The following TONSL variants were observed in gnomAD, a reference collection of about 807,000 sequenced individuals.
TONSL encodes tonsoku like, DNA repair protein, also known as tonsoku-like protein.
Under a neutral mutation model 147.1 loss-of-function variants are expected in TONSL, and 112 were observed. The ratio of observed to expected loss-of-function variants is 0.76; its 90% confidence interval spans 0.65 to 0.89. The LOEUF (loss-of-function observed/expected upper bound fraction) is 0.89, where lower values mean the gene tolerates loss of function less well. TONSL is among the 40% of genes least tolerant of loss of function. TONSL has a pLI of 0.00. For synonymous variants in TONSL, 868 were observed against 801.5 expected, an observed-to-expected ratio of 1.08 and a Z score of -1.40; for missense variants, 1,883 against 1,864.6, an observed-to-expected ratio of 1.01 and a Z score of -0.18.
intron 20 of TONSL, 41 bp downstream of exon 20, chr8:144,434,770 G>T: frequency 1.9e-6 from 3 of 1,601,026 alleles, no homozygotes; most frequent in Non-Finnish European, 2.6e-6. Context: ...CAACCCCCTT[G>T]TACGACCTCA....
chr8:144,440,512 G>A lies in TONSL; in HGVS notation c.1165-36C>T, dbSNP rs200508840. The A allele has an allele frequency of 2.6e-5, 40 of 1,561,662 alleles. No homozygotes were observed. The African/African-American group carries it at 2.9e-4, about 11-fold the overall frequency. On this transcript the variant is annotated intron_variant, in intron 9 of 25. Coordinates refer to ENST00000409379, the MANE Select transcript of TONSL (RefSeq NM_013432.5). ...AGGAAGGACAGGGTCGGGGGCTGCCGCTGTCTGCGTCCAACGGGCCCCAGT... is the reference window on the plus strand; with the variant it reads ...AGGAAGGACAGGGTCGGGGGCTGCCACTGTCTGCGTCCAACGGGCCCCAGT...
chr8:144,435,673 C>T lies in TONSL; in HGVS notation c.2760G>A (p.Ala920=), dbSNP rs774787708. Residue 920 remains alanine, a synonymous_variant, in exon 17 of 26, where the codon GCG becomes GCA. Transcript: ENST00000409379. ...GCATACCCACCAAGGGCTGGCCTGC[C>T]GCAGAGCTGTCCCCACTGGGCTCTG... ...RVSEPSGDSS[A]AGQPLGPAPP... The T allele has an allele frequency of 3.9e-5, 63 of 1,604,058 alleles. No homozygotes were observed. In the East Asian group the frequency reaches 8.5e-4, roughly 22 times the overall value.
Position 144,436,019 on chromosome 8 carries a change from C to CG in TONSL, c.2413dup (p.Arg805ProfsTer57). 1 of 1,553,928 alleles carries CG rather than the reference C, an allele frequency of 6.4e-7. No homozygotes were observed. The highest frequency in any genetic ancestry group is 8.7e-7 in the Non-Finnish European group (1 of 1,152,984). Reference sequence around the variant, plus strand: ...GCCCCGCGGTGGGCCAGGCCCCAGCCGGCTCTGAGCACTGCCCACACCCCG... The same window carrying CG: ...GCCCCGCGGTGGGCCAGGCCCCAGCCGGGCTCTGAGCACTGCCCACACCCCG... On this transcript the variant is annotated frameshift_variant, in exon 17 of 26. Transcript: ENST00000409379. LOFTEE classifies it high-confidence loss of function.
rs1823313470 is a variant in TONSL at position 144,433,652 on chromosome 8, C to T, written c.3495G>A (p.Gln1165=). Residue 1165 remains glutamine, a synonymous_variant, in exon 22 of 26, where the codon CAG becomes CAA. Transcript: ENST00000409379. ...ACPLLSTLRL[Q]ACGFGPSFFL... is the part of the protein sequence containing the mutation. ...AGAAGCTGGGGCCGAAGCCACACGC[C>T]TGCAGGCGCAGGGTGCTGAGTAAGG... 1 of 1,613,174 alleles carries T rather than the reference C, an allele frequency of 6.2e-7. No individual in the cohort carries two copies. Among genetic ancestry groups the T allele is most frequent in the Non-Finnish European group, 8.5e-7 (1 of 1,179,990 alleles).
intron 21 of TONSL, 87 bp downstream of exon 21, chr8:144,433,891 C>A (rs1307342142): frequency 6.8e-7 from 1 of 1,471,640 alleles, no homozygotes; most frequent in African/African-American, 1.4e-5. Flanking sequence ...GGCTGGCTCT[C>A]CCAACTACCC....
chr8:144,432,284 C>T lies in TONSL; in HGVS notation c.3735+1G>A, dbSNP rs1414412355. The T allele has an allele frequency of 3.1e-6, 5 of 1,613,590 alleles. No individual in the cohort carries two copies. The highest frequency in any genetic ancestry group is 4.2e-6 in the Non-Finnish European group (5 of 1,179,832). ...TTTCTGGGTTCTTCCCCACCTCGTA[C>T]CTTGGCCAGGTATCGGAATACAGGC... On this transcript the variant is annotated splice_donor_variant, in intron 23 of 25. Transcript: ENST00000409379. LOFTEE classifies it high-confidence loss of function.
chr8:144,436,446 C>T (rs760210011), intron 16 of TONSL, 28 bp from the exon 17 acceptor site: 4 of 1,528,998 alleles, frequency 2.6e-6, no homozygotes, highest in Non-Finnish European at 3.5e-6. Flanking sequence ...CGTGTTGAGG[C>T]AGGGGCCCGG....
chr8:144,434,672 C>G, intron 20 of TONSL, 139 bp downstream of exon 20: 1 of 899,752 alleles, frequency 1.1e-6, no homozygotes, highest in Non-Finnish European at 1.7e-6. Flanking sequence ...CATCCAAGTG[C>G]AGGACACAGC....
At chr8:144,431,343 A>C (rs1179632325) in intron 23 of TONSL, among the ~76,000 whole-genome samples, 192 bp from the exon 24 acceptor site, 1 of 152,138 alleles carries the variant, frequency 6.6e-6, no homozygotes, top group South Asian at 2.1e-4. Flanking sequence ...ATAGGGTCCC[A>C]GTTGTGCCTG....
chr8:144,433,475 C>T, intron 22 of TONSL, 113 bp downstream of exon 22: 1 of 1,051,118 alleles, frequency 9.5e-7, no homozygotes, highest in Non-Finnish European at 1.4e-6. Flanking sequence ...TCTCAAGTAG[C>T]TGGGACCACA....
chr8:144,435,505 C>T lies in TONSL; in HGVS notation c.2821G>A (p.Asp941Asn), dbSNP rs1452569869. ...PPIRVRVQVQ[D>N]HLFLIPVPHS... Reference sequence around the variant, plus strand: ...GGGACAGGGATGAGGAAGAGATGATCCTGAACTTGAACTCGAACCCGGATG... The same window carrying T: ...GGGACAGGGATGAGGAAGAGATGATTCTGAACTTGAACTCGAACCCGGATG... Residue 941 changes from aspartate to asparagine, a missense_variant, in exon 18 of 26, where the codon GAT becomes AAT. Transcript: ENST00000409379. 4 of 1,549,338 alleles carry T rather than the reference C, an allele frequency of 2.6e-6. No homozygotes were observed. In the African/African-American group the frequency reaches 5.5e-5, roughly 21 times the overall value.
At position 144,433,674 on chromosome 8, in the gene TONSL, A is replaced by G. The variant is rs1564727766; in HGVS notation, c.3473T>C (p.Leu1158Ser). Residue 1158 changes from leucine to serine, a missense_variant, in exon 22 of 26, where the codon TTA becomes TCA. Physicochemically the swap from Leu to Ser is moderately radical, Grantham distance 145. Coordinates refer to ENST00000409379, the MANE Select transcript of TONSL (RefSeq NM_013432.5). The part of the protein sequence containing the change: ...SLASLLHACP[L>S]LSTLRLQACG... ...CGCCTGCAGGCGCAGGGTGCTGAGT[A>G]AGGGGCAGGCGTGCAGGAGGGAGGC... 6.2e-7 allele frequency: 1 copy of G among 1,613,054 alleles called. No homozygotes were observed.
At chr8:144,433,154 C>T (rs1486990881) in intron 22 of TONSL, 2 of 162,246 alleles carry the variant, frequency 1.2e-5, no homozygotes, top group Non-Finnish European at 2.7e-5. Context: ...GATCTCGGCT[C>T]ACTGCAAGCT....
chr8:144,434,219 G>A lies in TONSL; in HGVS notation c.3146C>T (p.Ala1049Val). The A allele has an allele frequency of 1.9e-6, 3 of 1,558,070 alleles. No individual in the cohort carries two copies. Among genetic ancestry groups the A allele is most frequent in the Non-Finnish European group, 2.6e-6 (3 of 1,149,434 alleles). The change falls in exon 21 of 26, where the codon GCC (alanine) becomes GTC (valine). Residue 1049 changes from alanine (A) to valine (V), a missense_variant. Coordinates refer to ENST00000409379, the MANE Select transcript of TONSL (RefSeq NM_013432.5). ...GGCCTGGTCCAGGGCCAGGGAGCAG[G>A]CGCTGAACGAGAGGCCCAAGCCCTG... ...ELQGLGLSFSACSLALDQAQL... is the reference protein window; with the variant it reads ...ELQGLGLSFSVCSLALDQAQL...
In TONSL at chr8:144,433,788, C is replaced by A. The variant is rs781989026; in HGVS notation, c.3388-29G>T. 2.6e-6 allele frequency: 4 copies of A among 1,535,158 alleles called. No homozygotes were observed. The East Asian group carries it at 6.8e-5, about 26-fold the overall frequency. On this transcript the variant is annotated intron_variant, in intron 21 of 25. Coordinates refer to ENST00000409379, the MANE Select transcript of TONSL (RefSeq NM_013432.5). Reference sequence around the variant, plus strand: ...TGGAAGACACAGGCTGGCAGTGAGCCCCCAGCAGTCCCACGGACAGGGTCC... The same window carrying A: ...TGGAAGACACAGGCTGGCAGTGAGCACCCAGCAGTCCCACGGACAGGGTCC...
At chr8:144,435,364 G>T in intron 18 of TONSL, 110 bp downstream of exon 18, 1 of 1,256,516 alleles carries the variant, frequency 8.0e-7, no homozygotes, top group Non-Finnish European at 1.1e-6. Context: ...GGATCCTCCT[G>T]GAACACACCA....
At chr8:144,431,255 T>A in intron 23 of TONSL, 104 bp from the exon 24 acceptor site, 1 of 1,053,248 alleles carries the variant, frequency 9.5e-7, no homozygotes, top group Non-Finnish European at 1.4e-6. Flanking sequence ...GGGAGCAGAG[T>A]CCCCCATCAA....
At position 144,442,252 on chromosome 8, in the gene TONSL, C is replaced by G. The variant is rs1207597637; in HGVS notation, c.739G>C (p.Val247Leu). Residue 247 changes from valine (V) to leucine (L), a missense_variant, in exon 6 of 26, where the codon GTT (valine) becomes CTT (leucine). Transcript: ENST00000409379. ...CGCACAGCGGGTACCTGTGCAATAACCACGCAGCACTCGCTCTCCATGAAC... is the reference window on the plus strand; with the variant it reads ...CGCACAGCGGGTACCTGTGCAATAAGCACGCAGCACTCGCTCTCCATGAAC... ...KRFMESECCV[V>L]IAQVLQDLGD... 2 of 1,588,552 alleles carry G rather than the reference C, an allele frequency of 1.3e-6. No individual in the cohort carries two copies. The highest frequency in any genetic ancestry group is 2.2e-5 in the South Asian group (2 of 88,978).
rs371323373 is a variant in TONSL at position 144,438,421 on chromosome 8, C to T, written c.1653+50G>A. ...AGATAGGGGATCCGGCACAAACGCACAGCTCCTCCATGCTAGGCAGCCTGT... is the reference window on the plus strand; with the variant it reads ...AGATAGGGGATCCGGCACAAACGCATAGCTCCTCCATGCTAGGCAGCCTGT... On this transcript the variant is annotated intron_variant, in intron 13 of 25. Transcript: ENST00000409379. The T allele has an allele frequency of 4.4e-6, 7 of 1,581,542 alleles. No homozygotes were observed. In the South Asian group the frequency reaches 6.7e-5, roughly 15 times the overall value.
Sources: gnomAD v4.1 joint callset for allele counts (sites outside exome capture counted in the v4.1 genomes callset) on GRCh38, gnomAD v4.1.1 for gene constraint, MANE v1.5 for transcripts, NCBI Gene and HGNC (gene_info 2026-07-23, HGNC 2026-07-21) for gene names.